Variants in PBX1 observed in about 807,000 individuals in gnomAD.
PBX1 encodes pre-B-cell leukemia transcription factor 1.
A neutral mutation model predicts 53.4 loss-of-function variants in PBX1; 6 were observed. That is an observed-to-expected ratio of 0.11 (90% confidence interval 0.06 to 0.22). PBX1 has a LOEUF of 0.22. Among genes scored for constraint, PBX1 ranks in the 10% least tolerant of loss-of-function variants. PBX1 has a pLI of 1.00. For missense variants in PBX1, 251 were observed against 551.4 expected, an observed-to-expected ratio of 0.46 and a Z score of 5.46; for synonymous variants, 204 against 212.3, an observed-to-expected ratio of 0.96 and a Z score of 0.34.
At chr1:164,590,401 T>C (rs1655288185) in intron 2 of PBX1, 1 of 455,868 alleles carries the variant, frequency 2.2e-6, no homozygotes, top group Non-Finnish European at 4.4e-6. Flanking sequence ...ACTGCTTGCT[T>C]CTTCCCAATC....
intron 2 of PBX1, among the ~76,000 whole-genome samples, chr1:164,691,396 A>G (rs1408423572): frequency 6.6e-6 from 1 of 152,182 alleles, no homozygotes; most frequent in Admixed American, 6.5e-5. Flanking sequence ...AATACAAATC[A>G]CACTAGAGTA....
At chr1:164,642,791 G>A (rs1659223147) in intron 2 of PBX1, 1 of 152,136 alleles carries the variant, frequency 6.6e-6, no homozygotes, top group Admixed American at 6.5e-5. Context: ...AGCAGTCTCT[G>A]CTCTCTGCTT....
At chr1:164,618,904 T>A (rs1657484037) in intron 2 of PBX1, among the ~76,000 whole-genome samples, 1 of 152,222 alleles carries the variant, frequency 6.6e-6, no homozygotes, top group Non-Finnish European at 1.5e-5. Context: ...TACCTAATTA[T>A]GAATATTGAA....
At chr1:164,590,009 AC>A (rs1341055925) in intron 2 of PBX1, among the ~76,000 whole-genome samples, 13 of 152,062 alleles carry the variant, frequency 8.5e-5, no homozygotes, top group African/African-American at 3.1e-4. Context: ...GGATTTCAAG[AC>A]CAGCCTGGGC....
chr1:164,875,988 G>A (rs1408085939), intron 2 of PBX1, among the ~76,000 whole-genome samples: 9 of 56,930 alleles, frequency 1.6e-4, no homozygotes, highest in African/African-American at 2.5e-4. Flanking sequence ...TGGTGTATGT[G>A]TATATATATA....
At chr1:164,647,524 T>C (rs76787983) in intron 2 of PBX1, among the ~76,000 whole-genome samples, 173 of 152,310 alleles carry the variant, frequency 1.1e-3, no homozygotes, top group African/African-American at 4.0e-3. Context: ...CTCCCAGGTA[T>C]GATCTTTTAA....
intron 2 of PBX1, among the ~76,000 whole-genome samples, chr1:164,747,557 T>C (rs978211671): frequency 6.6e-6 from 1 of 152,156 alleles, no homozygotes; most frequent in Admixed American, 6.5e-5. Flanking sequence ...GAAGTAACTG[T>C]GTCTCTCTGA....
intron 2 of PBX1, among the ~76,000 whole-genome samples, chr1:164,885,771 TC>T (rs1326516464): frequency 4.5e-4 from 68 of 151,656 alleles, no homozygotes; most frequent in Admixed American, 1.2e-3. Flanking sequence ...CTCCTTCAGG[TC>T]TTCACTCAAC....
At chr1:164,818,488 C>T (rs1669982915) in intron 6 of PBX1, 1 of 152,144 alleles carries the variant, frequency 6.6e-6, no homozygotes, top group Non-Finnish European at 1.5e-5. Context: ...CTTGAGTCCT[C>T]CTCTAACCCC....
chr1:164,633,104 T>A (rs1403966612), intron 2 of PBX1, among the ~76,000 whole-genome samples: 2 of 152,166 alleles, frequency 1.3e-5, no homozygotes, highest in African/African-American at 4.8e-5. Flanking sequence ...CTTGAATGGA[T>A]GATGTTACTG....
At chr1:164,582,977 C>A (rs933942484) in intron 2 of PBX1, among the ~76,000 whole-genome samples, 3 of 152,088 alleles carry the variant, frequency 2.0e-5, no homozygotes, top group African/African-American at 7.2e-5. Flanking sequence ...AATTGAAACA[C>A]TGTTTTATCT....
At chr1:164,647,975 C>T (rs922294411) in intron 2 of PBX1, among the ~76,000 whole-genome samples, 14 of 152,072 alleles carry the variant, frequency 9.2e-5, no homozygotes, top group Non-Finnish European at 1.8e-4. Context: ...CCACTACGCC[C>T]GGCTAATTTT....
chr1:164,713,161 G>A (rs1265025900), intron 2 of PBX1, among the ~76,000 whole-genome samples: 1 of 152,148 alleles, frequency 6.6e-6, no homozygotes, highest in Non-Finnish European at 1.5e-5. Flanking sequence ...GGAGTTGTAA[G>A]TTTTCAGAGA....
At chr1:164,562,452 T>TACACACAC (rs6143458) in intron 1 of PBX1, among the ~76,000 whole-genome samples, 5,318 of 143,328 alleles carry the variant, frequency 0.037, 112 homozygotes, top group East Asian at 0.099. Flanking sequence ...GCATTCAGAA[T>TACACACAC]ACACACACAC....
intron 1 of PBX1, among the ~76,000 whole-genome samples, chr1:164,561,286 G>C (rs116733105): frequency 5.0e-4 from 76 of 152,256 alleles, no homozygotes; most frequent in Middle Eastern, 3.4e-3. Context: ...GAAAATGAGA[G>C]GAAGCAGTTA....
chr1:164,768,846 T>C (rs545638680), intron 2 of PBX1, among the ~76,000 whole-genome samples: 52 of 149,486 alleles, frequency 3.5e-4, no homozygotes, highest in African/African-American at 1.2e-3. Context: ...TTGAGGCCAG[T>C]AGTTCAAGCC....
At chr1:164,597,544 T>G (rs1305873447) in intron 2 of PBX1, among the ~76,000 whole-genome samples, 1 of 152,200 alleles carries the variant, frequency 6.6e-6, no homozygotes, top group Non-Finnish European at 1.5e-5. Flanking sequence ...TCCCAAATCT[T>G]TATACAGCCT....
chr1:164,847,434 C>A lies in PBX1; in HGVS notation c.*758C>A. The stretch of plus-strand genomic sequence containing the variant: ...CAGGTGGAGAATTCCTACAGTCTTT[C>A]TTACCCTGCTAGCAATAGCTCTCAG... On this transcript the variant is annotated 3_prime_UTR_variant, in exon 9 of 9. Coordinates refer to ENST00000420696, the MANE Select transcript of PBX1 (RefSeq NM_002585.4). 1 of 1,063,818 alleles carries A rather than the reference C, an allele frequency of 9.4e-7. No individual in the cohort carries two copies. Among genetic ancestry groups the A allele is most frequent in the Non-Finnish European group, 1.1e-6 (1 of 878,312 alleles). The allele number at this position is 1,063,818 out of a possible 1,614,324, so 65.9% of individuals were successfully genotyped here. A position where few individuals can be genotyped will look rare whatever the true frequency, so the allele number is the denominator to read the frequency against.
intron 4 of PBX1, among the ~76,000 whole-genome samples, chr1:164,805,888 A>C (rs1669322596): frequency 6.6e-6 from 1 of 152,176 alleles, no homozygotes; most frequent in African/African-American, 2.4e-5. Flanking sequence ...GATGTGGTTA[A>C]TACCTGTGGA....
Sources: allele counts gnomAD v4.1 joint callset (sites outside exome capture counted in the v4.1 genomes callset), GRCh38; gene constraint gnomAD v4.1.1; transcripts MANE v1.5; gene names NCBI Gene and HGNC (gene_info 2026-07-23, HGNC 2026-07-21).